The following DTD1 variants were observed in gnomAD, a reference collection of about 807,000 sequenced individuals.
DTD1 encodes the protein D-aminoacyl-tRNA deacylase 1.
DTD1 carries 13 observed loss-of-function variants against 25.6 expected under a neutral mutation model. The observed-to-expected ratio is 0.51, with a 90% CI of 0.33 to 0.81. DTD1 has a LOEUF of 0.81. Ranked by LOEUF, DTD1 falls within the 30% of genes least tolerant of loss-of-function variation. The pLI, the probability that DTD1 is intolerant of heterozygous loss-of-function variation, is 0.02. For synonymous variants in DTD1, 110 were observed against 103.6 expected (o/e 1.06, Z -0.37); for missense variants, 193 against 266.4 (o/e 0.72, Z 1.92).
rs147960848 is a variant in DTD1, at chr20:18,700,586, G to C, written c.478-43514G>C. Among the ~76,000 whole-genome samples, 758 of 151,874 alleles carry C rather than the reference G, an allele frequency of 5.0e-3. 10 individuals are homozygous for C. The highest frequency in any genetic ancestry group is 0.018 in the African/African-American group (730 of 41,390). ...TGTTATGTGGATGAATTACATAGTGGTGAATTCTGAGATCTTAGTGTACCC... is the reference window on the plus strand; with the variant it reads ...TGTTATGTGGATGAATTACATAGTGCTGAATTCTGAGATCTTAGTGTACCC... On this transcript the variant is annotated intron_variant, in intron 4 of 5. Transcript: ENST00000377452.
intron 3 of DTD1, among the ~76,000 whole-genome samples, chr20:18,611,747 C>T (rs1226013840): frequency 2.0e-5 from 3 of 152,124 alleles, no homozygotes; most frequent in Non-Finnish European, 2.9e-5. Flanking sequence ...TTTTATGGCC[C>T]GCTTGGTAAT....
intron 4 of DTD1, among the ~76,000 whole-genome samples, chr20:18,652,501 G>T (rs1161636015): frequency 6.6e-6 from 1 of 152,194 alleles, no homozygotes; most frequent in African/African-American, 2.4e-5. Flanking sequence ...ACCAAGGCAG[G>T]TGCAGCCTGG....
intron 4 of DTD1, among the ~76,000 whole-genome samples, chr20:18,644,559 A>G (rs953563604): frequency 5.3e-5 from 8 of 152,208 alleles, no homozygotes; most frequent in Non-Finnish European, 1.0e-4. Context: ...TGCTTCTTTC[A>G]TGTCTTTCTT....
chr20:18,680,198 A>G (rs2060991210), intron 4 of DTD1, among the ~76,000 whole-genome samples: 1 of 151,990 alleles, frequency 6.6e-6, no homozygotes, highest in South Asian at 2.1e-4. Flanking sequence ...TCAAATCACT[A>G]ATTTTATTCA....
At chr20:18,639,511 G>C (rs2060820555) in intron 4 of DTD1, among the ~76,000 whole-genome samples, 1 of 152,150 alleles carries the variant, frequency 6.6e-6, no homozygotes, top group South Asian at 2.1e-4. Context: ...AGCTGCTCCA[G>C]AGGCGGAGTG....
chr20:18,701,321 T>C (rs778573107), intron 4 of DTD1, among the ~76,000 whole-genome samples: 2 of 152,236 alleles, frequency 1.3e-5, no homozygotes, highest in Non-Finnish European at 2.9e-5. Context: ...AGAGATGTAC[T>C]AACAAGCACC....
At chr20:18,687,363 C>T in intron 4 of DTD1, among the ~76,000 whole-genome samples, 1 of 152,090 alleles carries the variant, frequency 6.6e-6, no homozygotes, top group East Asian at 1.9e-4. Flanking sequence ...CAAATCTGAG[C>T]AGCTTTACAA....
At chr20:18,588,693 C>T in intron 1 of DTD1, 1 of 984,708 alleles carries the variant, frequency 1.0e-6, no homozygotes, top group Non-Finnish European at 1.2e-6. Flanking sequence ...GCCCAGGACG[C>T]CCCTCGCCCT....
chr20:18,725,404 C>T (rs2061219599), intron 4 of DTD1, among the ~76,000 whole-genome samples: 1 of 152,206 alleles, frequency 6.6e-6, no homozygotes, highest in African/African-American at 2.4e-5. Flanking sequence ...AGTCCCACCT[C>T]CTACCTCAGA....
chr20:18,755,653 C>A (rs2061336311), intron 5 of DTD1, among the ~76,000 whole-genome samples: 1 of 152,220 alleles, frequency 6.6e-6, no homozygotes, highest in South Asian at 2.1e-4. Context: ...GCCACATTTT[C>A]TTAATCCAGT....
intron 4 of DTD1, among the ~76,000 whole-genome samples, chr20:18,697,834 G>A (rs1481872139): frequency 6.6e-6 from 1 of 152,200 alleles, no homozygotes; most frequent in Non-Finnish European, 1.5e-5. Context: ...ACAGGCGCCT[G>A]TCACCGCGCC....
chr20:18,690,092 C>G (rs368410694), intron 4 of DTD1, among the ~76,000 whole-genome samples: 1 of 145,412 alleles, frequency 6.9e-6, no homozygotes, highest in Non-Finnish European at 1.5e-5. Flanking sequence ...GCTGTGATCA[C>G]ACCACTGCAT....
At chr20:18,707,555 C>G (rs1050001635) in intron 4 of DTD1, among the ~76,000 whole-genome samples, 1 of 152,090 alleles carries the variant, frequency 6.6e-6, no homozygotes, top group African/African-American at 2.4e-5. Flanking sequence ...CTAAAGGGAG[C>G]GAGCACTGAT....
chr20:18,740,183 G>C (rs1323312655), intron 4 of DTD1, among the ~76,000 whole-genome samples: 3 of 152,124 alleles, frequency 2.0e-5, no homozygotes, highest in Non-Finnish European at 2.9e-5. Context: ...TCTGGATCTG[G>C]TTCTCAATAG....
At chr20:18,606,778 TGGG>T (rs375901485) in intron 3 of DTD1, among the ~76,000 whole-genome samples, 10 of 92,706 alleles carry the variant, frequency 1.1e-4, no homozygotes, top group African/African-American at 4.8e-4. Flanking sequence ...GGGACTGTGG[TGGG>T]GGGGGGGAGG....
rs2061135567 is a variant in DTD1, at chr20:18,708,207, TTTATATATATA to T, written c.478-35892_478-35882del. Among the ~76,000 whole-genome samples, 14 of 6,886 alleles carry T rather than the reference TTTATATATATA, an allele frequency of 2.0e-3. 1 individual carries two copies. Among genetic ancestry groups the T allele is most frequent in the Admixed American group, 4.9e-3 (2 of 408 alleles). 4.5% of individuals were successfully genotyped at this position (6,886 alleles called of 152,430 possible). A position where few individuals can be genotyped will look rare whatever the true frequency, so the allele number is the denominator to read the frequency against. On this transcript the variant is annotated intron_variant, in intron 4 of 5. Transcript: ENST00000377452. Reference sequence around the variant, plus strand: ...TTTTATATATATATTATATATATATTTTATATATATAATATATATATATTTTATATATATAT... The same window carrying T: ...TTTTATATATATATTATATATATATTATATATATATATTTTATATATATAT...
intron 4 of DTD1, among the ~76,000 whole-genome samples, chr20:18,732,171 G>A (rs1263647462): frequency 6.6e-6 from 1 of 152,186 alleles, no homozygotes; most frequent in Non-Finnish European, 1.5e-5. Flanking sequence ...GACCAAGTGG[G>A]AGAGGAAAAA....
At chr20:18,618,628 T>C (rs895780986) in intron 3 of DTD1, among the ~76,000 whole-genome samples, 1 of 150,468 alleles carries the variant, frequency 6.6e-6, no homozygotes, top group Non-Finnish European at 1.5e-5. Context: ...TATGTATATG[T>C]ATATATAATT....
chr20:18,671,811 A>G (rs534469600), intron 4 of DTD1, among the ~76,000 whole-genome samples: 1 of 152,322 alleles, frequency 6.6e-6, no homozygotes, highest in South Asian at 2.1e-4. Flanking sequence ...TGCTGGGGCA[A>G]GAAGTTTGAG....
Sources: allele counts gnomAD v4.1 joint callset (sites outside exome capture counted in the v4.1 genomes callset), GRCh38; gene constraint gnomAD v4.1.1; transcripts MANE v1.5; gene names NCBI Gene and HGNC (gene_info 2026-07-23, HGNC 2026-07-21).